Variants in RLIM observed in about 807,000 individuals in gnomAD.
RLIM encodes the protein E3 ubiquitin-protein ligase RLIM.
RLIM carries 2 observed loss-of-function variants against 34.0 expected under a neutral mutation model. The ratio of observed to expected loss-of-function variants is 0.06; its 90% CI spans 0.02 to 0.19. The LOEUF (loss-of-function observed/expected upper bound fraction) is 0.19, where lower values mean the gene tolerates loss of function less well. Among genes scored for constraint, RLIM ranks in the 10% least tolerant of loss-of-function variants. RLIM has a pLI of 1.00. For synonymous variants in RLIM, 169 were observed against 164.0 expected, an observed-to-expected ratio of 1.03 and a Z score of -0.23; for missense variants, 286 against 479.7, an observed-to-expected ratio of 0.60 and a Z score of 3.77.
At position 74,584,167 on chromosome X, in the gene RLIM, A is replaced by C. The variant is rs915906350; in HGVS notation, c.*7273T>G. Among the ~76,000 whole-genome samples the C allele has an allele frequency of 3.6e-5, 4 of 111,933 alleles. No homozygotes were observed. Among genetic ancestry groups the C allele is most frequent in the Non-Finnish European group, 7.5e-5 (4 of 53,224 alleles). ...GCAATCTAGTCTAGGGCTTGGGATA[A>C]ATACTAAGAAACAAATTAGAAGTCA... On this transcript the variant is annotated 3_prime_UTR_variant, in exon 4 of 4. Transcript: ENST00000332687.
In RLIM at chrX:74,583,364, AG is replaced by A. The variant is rs779619275; in HGVS notation, c.*8075del. On this transcript the variant is annotated 3_prime_UTR_variant, in exon 4 of 4. Coordinates refer to ENST00000332687, the MANE Select transcript of RLIM (RefSeq NM_016120.4). ...CAGATGCCAACATGGAAACAGTCAA[AG>A]GTTCCTGACCTTGTACATGAATAGC... is the stretch of plus-strand genomic sequence containing the variant. 135 of 816,092 alleles carry A rather than the reference AG, an allele frequency of 1.7e-4. 1 individual carries two copies. Among genetic ancestry groups the A allele is most frequent in the Non-Finnish European group, 2.4e-4 (130 of 533,617 alleles). 67.3% of individuals were successfully genotyped at this position (816,092 alleles called of 1,213,427 possible).
rs1385602222 is a variant in RLIM, at chrX:74,583,755, AAAC to A, written c.*7682_*7684del. On this transcript the variant is annotated 3_prime_UTR_variant, in exon 4 of 4. Coordinates refer to ENST00000332687, the MANE Select transcript of RLIM (RefSeq NM_016120.4). The stretch of plus-strand genomic sequence containing the variant: ...ATCCTCCAAAAAACAAAAAAACAAA[AAAC>A]AATTTGCGGCCGGGCGTGGTGGCTC... 8.9e-6 allele frequency among the ~76,000 whole-genome samples: 1 copy of A among 111,896 alleles called. No individual in the cohort carries two copies. Among genetic ancestry groups the A allele is most frequent in the African/African-American group, 3.3e-5 (1 of 30,753 alleles).
intron 1 of RLIM, among the ~76,000 whole-genome samples, chrX:74,613,638 CTTTT>C (rs11416723): frequency 1.1e-5 from 1 of 87,599 alleles, no homozygotes; most frequent in African/African-American, 4.2e-5. Context: ...CCCCCCTAGG[CTTTT>C]TTTTTTTTTT....
intron 1 of RLIM, among the ~76,000 whole-genome samples, chrX:74,608,776 T>C (rs187279512): frequency 8.9e-6 from 1 of 112,254 alleles, no homozygotes; most frequent in East Asian, 2.8e-4. Context: ...GAAAGAGTGT[T>C]AAGAACTTCA....
rs1189291899 is a variant in RLIM at position 74,588,383 on chromosome X, A to G, written c.*3057T>C. 25 of 111,440 alleles carry G rather than the reference A, an allele frequency of 2.2e-4. No individual in the cohort carries two copies. In the Admixed American group the frequency reaches 2.4e-3, roughly 11 times the overall value. 9.2% of individuals were successfully genotyped at this position (111,440 alleles called of 1,213,427 possible). On this transcript the variant is annotated 3_prime_UTR_variant, in exon 4 of 4. Coordinates refer to ENST00000332687, the MANE Select transcript of RLIM (RefSeq NM_016120.4). ...CTACTCGAGAGGCTGAGACAGGAGA[A>G]TTGCTTGAACCCAGGAGGCAGAGGT...
chrX:74,597,874 T>C (rs2079646159), intron 1 of RLIM, among the ~76,000 whole-genome samples: 1 of 111,948 alleles, frequency 8.9e-6, no homozygotes, highest in African/African-American at 3.2e-5. Flanking sequence ...TTGTGATTTG[T>C]TGTGCTCAAG....
chrX:74,601,081 A>G (rs2079659332), intron 1 of RLIM, among the ~76,000 whole-genome samples: 1 of 111,047 alleles, frequency 9.0e-6, no homozygotes, highest in Non-Finnish European at 1.9e-5. Context: ...AGAAACTTAC[A>G]AAAATATGGG....
At chrX:74,610,928 C>A (rs923913883) in intron 1 of RLIM, among the ~76,000 whole-genome samples, 3 of 110,548 alleles carry the variant, frequency 2.7e-5, no homozygotes, top group Non-Finnish European at 5.7e-5. Flanking sequence ...AATAAAAATA[C>A]CTCAATTGAT....
intron 1 of RLIM, among the ~76,000 whole-genome samples, chrX:74,608,326 C>T (rs755891587): frequency 1.3e-3 from 142 of 109,990 alleles, no homozygotes; most frequent in Middle Eastern, 4.7e-3. Context: ...ATAACTAGGA[C>T]ATAAGCTTAT....
At chrX:74,593,781 AG>A (rs1206852075) in intron 3 of RLIM, among the ~76,000 whole-genome samples, 1 of 112,360 alleles carries the variant, frequency 8.9e-6, no homozygotes, top group African/African-American at 3.2e-5. Flanking sequence ...AGGTTAGAGC[AG>A]GATTTCTCAA....
chrX:74,606,707 T>TTA (rs1241760116), intron 1 of RLIM, among the ~76,000 whole-genome samples: 1 of 111,785 alleles, frequency 8.9e-6, no homozygotes, highest in Non-Finnish European at 1.9e-5. Flanking sequence ...ACACACTACA[T>TTA]TATAGTACCC....
intron 1 of RLIM, among the ~76,000 whole-genome samples, chrX:74,605,873 GA>G (rs200838848): frequency 0.012 from 1,378 of 111,483 alleles, 10 homozygotes; most frequent in Middle Eastern, 0.042. Context: ...GAAGCACAGA[GA>G]AAGAAAGTGA....
At chrX:74,601,185 T>A (rs2079659796) in intron 1 of RLIM, among the ~76,000 whole-genome samples, 2 of 111,471 alleles carry the variant, frequency 1.8e-5, no homozygotes, top group Non-Finnish European at 1.9e-5. Flanking sequence ...GACGGAAGAG[T>A]CACTCAACTT....
chrX:74,594,781 C>T (rs1170947476), intron 2 of RLIM, among the ~76,000 whole-genome samples: 2 of 108,878 alleles, frequency 1.8e-5, no homozygotes, highest in South Asian at 4.1e-4. Context: ...TGCCTGTAAT[C>T]CCAGCTGCTT....
chrX:74,610,277 C>T (rs1028986025), intron 1 of RLIM, among the ~76,000 whole-genome samples: 10 of 110,789 alleles, frequency 9.0e-5, no homozygotes, highest in African/African-American at 2.6e-4. Context: ...GTTAGCCAGG[C>T]GTGGTGGCAC....
In RLIM at chrX:74,594,338, C is replaced by T; in HGVS notation, c.221G>A (p.Gly74Asp). The T allele has an allele frequency of 1.2e-5, 14 of 1,208,061 alleles. No individual in the cohort carries two copies. The highest frequency in any genetic ancestry group is 1.3e-5 in the Non-Finnish European group (12 of 894,274). The change falls in exon 3 of 4, where the codon GGC becomes GAC. Residue 74 changes from glycine (G) to aspartate (D), a missense_variant. Around this residue, in one of 6 missense-constraint regions of RLIM, gnomAD observed 62 missense variants for 71.3 expected, o/e 0.87. Transcript: ENST00000332687. ...LLRRLQQIKE[G>D]PPPQNSDENR... ...TTCATCTGAGTTTTGCGGTGGTGGG[C>T]CTTCTTTAATTTGCTGTAGTCGTCT...
rs1008103763 is a variant in RLIM, at chrX:74,585,048, C to G, written c.*6392G>C. On this transcript the variant is annotated 3_prime_UTR_variant, in exon 4 of 4. Transcript: ENST00000332687. The stretch of plus-strand genomic sequence containing the variant: ...AACAAGGACATCTTAGTGGCTTAAG[C>G]AATATGTTTAAGAGATTAAGATAGA... Among the ~76,000 whole-genome samples the G allele has an allele frequency of 1.8e-5, 2 of 111,446 alleles. No individual in the cohort carries two copies. Among genetic ancestry groups the G allele is most frequent in the African/African-American group, 6.5e-5 (2 of 30,596 alleles).
intron 1 of RLIM, among the ~76,000 whole-genome samples, chrX:74,602,985 C>CA (rs369406679): frequency 0.07 from 7,673 of 108,965 alleles, 445 homozygotes; most frequent in African/African-American, 0.19. Flanking sequence ...ACAAAATTGT[C>CA]AAAAAAATAG....
chrX:74,585,830 G>A lies in RLIM; in HGVS notation c.*5610C>T, dbSNP rs1357560013. 1.8e-5 allele frequency: 2 copies of A among 111,945 alleles called. No homozygotes were observed. The highest frequency in any genetic ancestry group is 6.5e-5 in the African/African-American group (2 of 30,777). The allele number at this position is 111,945 out of a possible 1,213,427, so 9.2% of individuals were successfully genotyped here. On this transcript the variant is annotated 3_prime_UTR_variant, in exon 4 of 4. Transcript: ENST00000332687. ...GCCAACCAAATTAACTTCACTTTGT[G>A]CTCCTCTCTGCTTTTTTGAGTCTCT...
Sources: gnomAD v4.1 joint callset for allele counts (sites outside exome capture counted in the v4.1 genomes callset) on GRCh38, gnomAD v4.1.1 for gene constraint, gnomAD v4.1.1 regional missense constraint, MANE v1.5 for transcripts, NCBI Gene and HGNC (gene_info 2026-07-23, HGNC 2026-07-21) for gene names.